The following FBN3 variants were observed in gnomAD, a reference collection of about 807,000 sequenced individuals.
FBN3 encodes the protein fibrillin 3.
A neutral mutation model predicts 330.1 loss-of-function variants in FBN3; 234 were observed. That is an observed-to-expected ratio of 0.71 (90% CI 0.64 to 0.79). The LOEUF is 0.79. Ranked by LOEUF, FBN3 falls within the 30% of genes least tolerant of loss-of-function variation. The pLI is 0.00. For missense variants in FBN3, 3,606 were observed against 3,886.9 expected, an observed-to-expected ratio of 0.93 and a Z score of 1.92; for synonymous variants, 1,458 against 1,517.3, an observed-to-expected ratio of 0.96 and a Z score of 0.91.
In FBN3 at chr19:8,096,023, C is replaced by G. The variant is rs1216127251; in HGVS notation, c.5597G>C (p.Gly1866Ala). The G allele has an allele frequency of 1.2e-6, 2 of 1,614,138 alleles. No homozygotes were observed. The highest frequency in any genetic ancestry group is 1.1e-5 in the South Asian group (1 of 91,088). ...AGGGAAGCAGAGGCAGTTGTAGGAG[C>G]CAATGATGTTCTTGCAGGTCCCATT... ...CGNGTCKNII[G>A]SYNCLCFPGF... Residue 1866 changes from glycine (G) to alanine (A), a missense_variant, in exon 45 of 64, where the codon GGC (glycine) becomes GCC (alanine). Gly to Ala is a moderately conservative substitution (Grantham distance 60). Transcript: ENST00000600128. The surrounding 1 kb of genome is among the most constrained non-coding windows in gnomAD (Gnocchi z 4.6).
chr19:8,141,764 CG>C lies in FBN3; in HGVS notation c.817del (p.Arg273AlafsTer133), dbSNP rs1568458066. The C allele has an allele frequency of 6.2e-7, 1 of 1,614,124 alleles. No individual in the cohort carries two copies. Among genetic ancestry groups the C allele is most frequent in the Non-Finnish European group, 8.5e-7 (1 of 1,180,016 alleles). ...CVNMVGSFHCRCPVGHRLSDS... is the reference protein window; with the variant it reads ...CVNMVGSFHCXCPVGHRLSDS... ...ACTGAGCCGGTGTCCAACTGGACAG[CG>C]GCAATGGAAGGAGCCCACCATGTTG... On this transcript the variant is annotated frameshift_variant, in exon 8 of 64. Coordinates refer to ENST00000600128, the MANE Select transcript of FBN3 (RefSeq NM_032447.5). LOFTEE classifies it high-confidence loss of function.
chr19:8,126,785 T>A lies in FBN3; in HGVS notation c.2344A>T (p.Asn782Tyr). 1 of 1,591,466 alleles carries A rather than the reference T, an allele frequency of 6.3e-7. No individual in the cohort carries two copies. The change falls in exon 19 of 64, where the codon AAC becomes TAC. Residue 782 changes from asparagine to tyrosine, a missense_variant. Coordinates refer to ENST00000600128, the MANE Select transcript of FBN3 (RefSeq NM_032447.5). ...SSPCVSGVCRNLAGSYTCKCG... is the reference protein window; with the variant it reads ...SSPCVSGVCRYLAGSYTCKCG... ...TTGCAGGTGTAGGAGCCGGCCAGGT[T>A]CCGACAGACGCCACTCACACACGGG...
At chr19:8,118,614 G>GAC (rs112174981) in intron 26 of FBN3, among the ~76,000 whole-genome samples, 45,656 of 151,776 alleles carry the variant, frequency 0.3, 8,123 homozygotes, top group African/African-American at 0.48. Flanking sequence ...CCCTTGTACA[G>GAC]ACACACAGTC....
At chr19:8,119,501 T>A (rs1245650301) in intron 25 of FBN3, among the ~76,000 whole-genome samples, 1 of 152,082 alleles carries the variant, frequency 6.6e-6, no homozygotes, top group East Asian at 1.9e-4. Context: ...ACTCCATTCT[T>A]TCTTTCTTTC....
intron 47 of FBN3, among the ~76,000 whole-genome samples, chr19:8,093,973 T>G (rs2082155697): frequency 6.6e-6 from 1 of 151,970 alleles, no homozygotes; most frequent in Non-Finnish European, 1.5e-5. Flanking sequence ...TAGACCACAG[T>G]GAACAAAGCA....
intron 22 of FBN3, among the ~76,000 whole-genome samples, chr19:8,124,237 A>T (rs1400719921): frequency 6.6e-6 from 1 of 151,942 alleles, no homozygotes; most frequent in East Asian, 1.9e-4. Flanking sequence ...TACGTGATTG[A>T]TTCATTGGTT....
chr19:8,143,501 T>TC (rs936693250), intron 6 of FBN3, among the ~76,000 whole-genome samples: 3 of 147,720 alleles, frequency 2.0e-5, no homozygotes, highest in African/African-American at 5.0e-5. Flanking sequence ...TCTTTTCTTT[T>TC]TTTTTTTTTT....
chr19:8,118,533 TACAC>T (rs2082761285), intron 26 of FBN3, among the ~76,000 whole-genome samples: 1 of 151,730 alleles, frequency 6.6e-6, no homozygotes, highest in Non-Finnish European at 1.5e-5. Context: ...CATAGCCAAA[TACAC>T]ACTCAAACCC....
At chr19:8,130,562 G>A (rs2083099989) in intron 16 of FBN3, among the ~76,000 whole-genome samples, 1 of 85,336 alleles carries the variant, frequency 1.2e-5, no homozygotes, top group Non-Finnish European at 2.2e-5. Context: ...GAGAGAGAGA[G>A]AGAAGGAAAG....
intron 59 of FBN3, among the ~76,000 whole-genome samples, chr19:8,075,714 C>T (rs768225204): frequency 8.5e-5 from 13 of 152,244 alleles, no homozygotes; most frequent in Admixed American, 4.6e-4. Context: ...ATGTCTACCT[C>T]ATTGCATTTT....
At position 8,066,259 on chromosome 19, in the gene FBN3, A is replaced by C; in HGVS notation, c.8090T>G (p.Val2697Gly). The change falls in exon 64 of 64, where the codon GTG (valine) becomes GGG (glycine). Residue 2697 changes from valine (V) to glycine (G), a missense_variant and splice_region_variant. Val to Gly is a moderately radical substitution (Grantham distance 109). Transcript: ENST00000600128. ...PRRSAHRDHQ[V>G]NLATLDSEAL... is the part of the protein sequence containing the mutation. ...CTCGGAGTCAAGGGTGGCCAGGTTC[A>C]CCTGGGAAGAAAGGCCAGGTGTGTG... The C allele has an allele frequency of 3.9e-6, 6 of 1,542,292 alleles. No homozygotes were observed. The highest frequency in any genetic ancestry group is 5.3e-6 in the Non-Finnish European group (6 of 1,140,956).
At chr19:8,106,017 T>TC in intron 38 of FBN3, 91 bp downstream of exon 38, 1 of 1,505,020 alleles carries the variant, frequency 6.6e-7, no homozygotes, top group Non-Finnish European at 9.1e-7. Context: ...CATGAGGCCT[T>TC]CCCTCCTCTA....
intron 5 of FBN3, among the ~76,000 whole-genome samples, 154 bp from the exon 6 acceptor site, chr19:8,145,126 C>T (rs192961681): frequency 1.3e-5 from 2 of 152,054 alleles, no homozygotes; most frequent in African/African-American, 2.4e-5. Context: ...GTAATCCGAG[C>T]GCTTTGGGAG....
intron 3 of FBN3, among the ~76,000 whole-genome samples, 168 bp from the exon 4 acceptor site, chr19:8,146,393 A>C (rs1283621998): frequency 6.6e-6 from 1 of 150,812 alleles, no homozygotes; most frequent in African/African-American, 2.4e-5. Flanking sequence ...ATGTCCCCCC[A>C]CTCTCGGGCT....
At chr19:8,113,347 C>G (rs2082632858) in intron 30 of FBN3, among the ~76,000 whole-genome samples, 1 of 152,168 alleles carries the variant, frequency 6.6e-6, no homozygotes, top group African/African-American at 2.4e-5. Context: ...TCATAGCTCA[C>G]TGCAGCCTGG....
chr19:8,096,571 TG>T lies in FBN3; in HGVS notation c.5414-3del, dbSNP rs765381705. 5.8e-5 allele frequency: 94 copies of T among 1,609,310 alleles called. No homozygotes were observed. The highest frequency in any genetic ancestry group is 5.2e-4 in the Admixed American group (31 of 59,782). ...GGATCTCCCGACACTCATTCCGTCCTGGGGGTGCAGAGAGCATGGTGTTCCC... is the reference window on the plus strand; with the variant it reads ...GGATCTCCCGACACTCATTCCGTCCTGGGGTGCAGAGAGCATGGTGTTCCC... On this transcript the variant is annotated splice_polypyrimidine_tract_variant and splice_region_variant and intron_variant, in intron 43 of 63. Transcript: ENST00000600128. This position sits in a 1 kb window ranked among gnomAD's most constrained non-coding sequence, Gnocchi z 4.6.
chr19:8,100,365 T>C (rs1240891469), intron 41 of FBN3, among the ~76,000 whole-genome samples: 3 of 151,074 alleles, frequency 2.0e-5, no homozygotes, highest in Non-Finnish European at 3.0e-5. Flanking sequence ...AAAAAAAAAG[T>C]CTTACTCTAT....
chr19:8,135,936 G>GGGGGGGGGGGGCGCCCCCCCCCCCC, intron 13 of FBN3, 25 bp downstream of exon 13: 2 of 668,778 alleles, frequency 3.0e-6, no homozygotes, highest in Non-Finnish European at 4.8e-6. Flanking sequence ...GGAAGCCCCT[G>GGGGGGGGGGGGCGCCCCCCCCCCCC]CCCACCCGCC....
chr19:8,127,287 C>T (rs1418034429), intron 18 of FBN3, among the ~76,000 whole-genome samples: 1 of 151,962 alleles, frequency 6.6e-6, no homozygotes, highest in Non-Finnish European at 1.5e-5. Flanking sequence ...TCTCAAACTC[C>T]CAACCTCAGG....
Sources: gnomAD v4.1 joint callset for allele counts (sites outside exome capture counted in the v4.1 genomes callset) on GRCh38, gnomAD v4.1.1 for gene constraint, Gnocchi (gnomAD v3.1) non-coding constraint, MANE v1.5 for transcripts, NCBI Gene and HGNC (gene_info 2026-07-23, HGNC 2026-07-21) for gene names.